OLA1: variants seen among roughly 807,000 people sequenced by gnomAD.
OLA1 encodes obg-like ATPase 1.
OLA1 carries 14 observed loss-of-function variants against 48.4 expected under a neutral mutation model. That is an observed-to-expected ratio of 0.29 (90% CI 0.19 to 0.45). The LOEUF (loss-of-function observed/expected upper bound fraction) is 0.45, where lower values mean the gene tolerates loss of function less well. OLA1 is among the 20% of genes least tolerant of loss of function. OLA1 has a pLI of 1.00. For missense variants in OLA1, 325 were observed against 467.1 expected (o/e 0.70, Z 2.80); for synonymous variants, 127 against 150.4 (o/e 0.84, Z 1.14).
At position 174,119,051 on chromosome 2, in the gene OLA1, C is replaced by T. The variant is rs191497452; in HGVS notation, c.728+4129G>A. Among the ~76,000 whole-genome samples the T allele has an allele frequency of 2.4e-3, 364 of 150,302 alleles. 3 individuals are homozygous for T. The highest frequency in any genetic ancestry group is 3.8e-3 in the Non-Finnish European group (254 of 67,660). On this transcript the variant is annotated intron_variant, in intron 7 of 10. Coordinates refer to ENST00000284719, the MANE Select transcript of OLA1 (RefSeq NM_013341.5). The stretch of plus-strand genomic sequence containing the variant: ...AAATAGGAATTCACAAATATTATTA[C>T]ATGTAAAAATATATTCAAATGCAAA...
At chr2:174,247,387 TAAATA>T in intron 1 of OLA1, 1 of 305,086 alleles carries the variant, frequency 3.3e-6, no homozygotes, top group Non-Finnish European at 6.0e-6. Flanking sequence ...AATAAATAAA[TAAATA>T]AAATATTTGT....
chr2:174,193,481 A>G (rs1406047924), intron 4 of OLA1, among the ~76,000 whole-genome samples: 1 of 151,816 alleles, frequency 6.6e-6, no homozygotes, highest in Non-Finnish European at 1.5e-5. Context: ...TGTTGTTGTT[A>G]TTGGAAGCTG....
At chr2:174,124,146 C>T (rs1685986834) in intron 5 of OLA1, 1 of 152,174 alleles carries the variant, frequency 6.6e-6, no homozygotes, top group African/African-American at 2.4e-5. Flanking sequence ...CTGACCAGAT[C>T]CCTTTTTATT....
chr2:174,117,939 T>C (rs2105364174), intron 7 of OLA1, among the ~76,000 whole-genome samples: 1 of 152,280 alleles, frequency 6.6e-6, no homozygotes, highest in Admixed American at 6.5e-5. Context: ...AAGAAATACC[T>C]GAGACTGGGT....
At chr2:174,164,387 T>TCTGCATAGTGCAGAATGGATACCA (rs1687113896) in intron 4 of OLA1, among the ~76,000 whole-genome samples, 3 of 40,204 alleles carry the variant, frequency 7.5e-5, no homozygotes, top group African/African-American at 2.2e-4. Context: ...ACCATTCTGT[T>TCTGCATAGTGCAGAATGGATACCA]TTATGTTTGG....
intron 4 of OLA1, among the ~76,000 whole-genome samples, chr2:174,170,798 A>G (rs1208796250): frequency 6.6e-6 from 1 of 152,118 alleles, no homozygotes; most frequent in Non-Finnish European, 1.5e-5. Flanking sequence ...CACTTACTCA[A>G]GAGGCTGAAG....
chr2:174,186,125 A>G (rs533323345), intron 4 of OLA1, among the ~76,000 whole-genome samples: 2 of 152,342 alleles, frequency 1.3e-5, no homozygotes, highest in African/African-American at 4.8e-5. Context: ...AACAAGTAAA[A>G]GAACATATCA....
chr2:174,225,893 C>T (rs539135662), intron 3 of OLA1, among the ~76,000 whole-genome samples: 1 of 152,226 alleles, frequency 6.6e-6, no homozygotes, highest in African/African-American at 2.4e-5. Flanking sequence ...ATTCTATTTT[C>T]TATTGAAAAT....
At chr2:174,118,090 G>T (rs1327622052) in intron 7 of OLA1, among the ~76,000 whole-genome samples, 4 of 152,132 alleles carry the variant, frequency 2.6e-5, no homozygotes, top group African/African-American at 4.8e-5. Flanking sequence ...GAGAGCAAAG[G>T]TGTAGGTGCT....
intron 7 of OLA1, among the ~76,000 whole-genome samples, chr2:174,098,932 C>T (rs149449802): frequency 9.3e-4 from 142 of 152,256 alleles, no homozygotes; most frequent in African/African-American, 3.3e-3. Flanking sequence ...CAGGTCTAAG[C>T]ACTAATCACT....
chr2:174,220,612 C>CA (rs1487881933), intron 4 of OLA1, among the ~76,000 whole-genome samples: 1 of 152,072 alleles, frequency 6.6e-6, no homozygotes. Context: ...TCAAATCAGT[C>CA]AAATGAATAA....
intron 4 of OLA1, among the ~76,000 whole-genome samples, chr2:174,219,965 C>T (rs1299954307): frequency 6.6e-6 from 1 of 152,014 alleles, no homozygotes; most frequent in Admixed American, 6.6e-5. Flanking sequence ...AATCCCGTCT[C>T]TACTAAAAAT....
intron 7 of OLA1, among the ~76,000 whole-genome samples, chr2:174,122,737 C>CT (rs57470671): frequency 0.12 from 16,029 of 136,658 alleles, 1,286 homozygotes; most frequent in African/African-American, 0.23. Context: ...CACACACAGT[C>CT]TTTTTTTTTT....
chr2:174,208,883 T>C (rs145830048), intron 4 of OLA1, among the ~76,000 whole-genome samples: 82 of 152,316 alleles, frequency 5.4e-4, no homozygotes, highest in African/African-American at 1.9e-3. Flanking sequence ...ATGGACAATA[T>C]ACAAAAACTG....
At chr2:174,225,317 A>T (rs1454262497) in intron 3 of OLA1, among the ~76,000 whole-genome samples, 1 of 152,114 alleles carries the variant, frequency 6.6e-6, no homozygotes, top group Non-Finnish European at 1.5e-5. Flanking sequence ...TTGGAAGGCC[A>T]AGGTGGGTGG....
At chr2:174,224,360 C>T (rs1688570625) in intron 3 of OLA1, among the ~76,000 whole-genome samples, 1 of 152,208 alleles carries the variant, frequency 6.6e-6, no homozygotes, top group Non-Finnish European at 1.5e-5. Context: ...GAGAAGCTTG[C>T]TCTACCCCTA....
chr2:174,147,889 T>A (rs1686648888), intron 4 of OLA1, among the ~76,000 whole-genome samples: 2 of 152,156 alleles, frequency 1.3e-5, no homozygotes, highest in South Asian at 4.1e-4. Flanking sequence ...AGTGGTGGGA[T>A]CTCAGCTCAC....
chr2:174,108,414 T>C (rs1436974926), intron 7 of OLA1, among the ~76,000 whole-genome samples: 2 of 152,170 alleles, frequency 1.3e-5, no homozygotes, highest in African/African-American at 2.4e-5. Flanking sequence ...ATAGAAGATA[T>C]GTCACAATTA....
chr2:174,110,302 ATTTTTT>A lies in OLA1; in HGVS notation c.728+12872_728+12877del, dbSNP rs575026912. 3.9e-3 allele frequency among the ~76,000 whole-genome samples: 446 copies of A among 113,858 alleles called. 2 individuals are homozygous for A. The highest frequency in any genetic ancestry group is 0.013 in the African/African-American group (396 of 29,490). The allele number at this position is 113,858 out of a possible 152,430, so 74.7% of individuals were successfully genotyped here. On this transcript the variant is annotated intron_variant, in intron 7 of 10. Coordinates refer to ENST00000284719, the MANE Select transcript of OLA1 (RefSeq NM_013341.5). ...TACAGGCATGTGCCACCATGCTTGG[ATTTTTT>A]TTTTTTTTTTTTTTTGTATTTTTAG...
Sources: allele counts gnomAD v4.1 joint callset (sites outside exome capture counted in the v4.1 genomes callset), GRCh38; gene constraint gnomAD v4.1.1; transcripts MANE v1.5; gene names NCBI Gene and HGNC (gene_info 2026-07-23, HGNC 2026-07-21).